Variants in SELENOI observed in about 807,000 individuals in gnomAD.
SELENOI encodes the protein selenoprotein I, also known as ethanolaminephosphotransferase 1.
Under a neutral mutation model 50.7 loss-of-function variants are expected in SELENOI, and 24 were observed. The observed-to-expected ratio is 0.47, with a 90% CI of 0.34 to 0.67. SELENOI has a LOEUF of 0.67. SELENOI is among the 30% of genes least tolerant of loss of function. SELENOI has a pLI of 0.01. For missense variants in SELENOI, 352 were observed against 461.4 expected (o/e 0.76, Z 2.17); for synonymous variants, 155 against 170.2 (o/e 0.91, Z 0.70).
chr2:26,392,183 A>G lies in SELENOI; in HGVS notation c.*3080A>G, dbSNP rs894835058. On this transcript the variant is annotated 3_prime_UTR_variant, in exon 10 of 10. Coordinates refer to ENST00000260585, the MANE Select transcript of SELENOI (RefSeq NM_033505.4). ...CTAAATAGGTACCAAAAGAGTATTG[A>G]TTATGACCTGGAGCCTGAGCTTTGG... is the stretch of plus-strand genomic sequence containing the variant. The G allele has an allele frequency of 6.6e-6, 1 of 152,148 alleles. No homozygotes were observed. Among genetic ancestry groups the G allele is most frequent in the Non-Finnish European group, 1.5e-5 (1 of 68,034 alleles). 9.4% of individuals were successfully genotyped at this position (152,148 alleles called of 1,614,324 possible).
At chr2:26,354,496 CCTT>C (rs1423572369) in intron 1 of SELENOI, among the ~76,000 whole-genome samples, 4 of 152,124 alleles carry the variant, frequency 2.6e-5, no homozygotes, top group Non-Finnish European at 5.9e-5. Flanking sequence ...ACGCTATTCT[CCTT>C]CTTCAGCCTC....
In SELENOI at chr2:26,390,690, T is replaced by C. The variant is rs924820759; in HGVS notation, c.*1587T>C. 2 of 152,214 alleles carry C rather than the reference T, an allele frequency of 1.3e-5. No individual in the cohort carries two copies. Among genetic ancestry groups the C allele is most frequent in the Non-Finnish European group, 2.9e-5 (2 of 68,036 alleles). 9.4% of individuals were successfully genotyped at this position (152,214 alleles called of 1,614,324 possible). A position where few individuals can be genotyped will look rare whatever the true frequency, so the allele number is the denominator to read the frequency against. ...ATTGTAAAGGTTGAGGTGTATTTGG[T>C]GACTTTCTCTGAGACACAGATGAAC... On this transcript the variant is annotated 3_prime_UTR_variant, in exon 10 of 10. Coordinates refer to ENST00000260585, the MANE Select transcript of SELENOI (RefSeq NM_033505.4).
rs187461676 is a variant in SELENOI, at chr2:26,393,578, C to T, written c.*4475C>T. On this transcript the variant is annotated 3_prime_UTR_variant, in exon 10 of 10. Coordinates refer to ENST00000260585, the MANE Select transcript of SELENOI (RefSeq NM_033505.4). ...CACATATACTTTTAGAATATTTTAA[C>T]AAAGGCTTGTCTCTAGGAAAATCCA... The T allele has an allele frequency of 6.6e-6, 1 of 152,326 alleles. No individual in the cohort carries two copies. Among genetic ancestry groups the T allele is most frequent in the African/African-American group, 2.4e-5 (1 of 41,572 alleles). 9.4% of individuals were successfully genotyped at this position (152,326 alleles called of 1,614,324 possible).
intron 6 of SELENOI, among the ~76,000 whole-genome samples, chr2:26,377,817 G>C (rs1397302093): frequency 6.6e-6 from 1 of 151,922 alleles, no homozygotes; most frequent in Non-Finnish European, 1.5e-5. Context: ...CCACTTAAGA[G>C]TCATTTTCTG....
chr2:26,360,704 C>T (rs1048814413), intron 1 of SELENOI, among the ~76,000 whole-genome samples: 3 of 151,974 alleles, frequency 2.0e-5, no homozygotes, highest in Admixed American at 2.0e-4. Flanking sequence ...TTTTATTTGC[C>T]CCGCTGGCTA....
At chr2:26,369,012 A>T (rs1458367605) in intron 4 of SELENOI, among the ~76,000 whole-genome samples, 1 of 152,216 alleles carries the variant, frequency 6.6e-6, no homozygotes, top group African/African-American at 2.4e-5. Flanking sequence ...AGCAAGATTA[A>T]CCGTAATTAT....
chr2:26,367,186 A>C lies in SELENOI; in HGVS notation c.276A>C (p.Val92=). The change falls in exon 4 of 10, where the codon GTA becomes GTC. Residue 92 remains valine (V), a synonymous_variant. Coordinates refer to ENST00000260585, the MANE Select transcript of SELENOI (RefSeq NM_033505.4). ...HKHVPDWVWI[V]VGILNFVAYT... ...ACGTGCCTGACTGGGTTTGGATTGTAGTGGGCATCCTCAACTTCGTAGCCT... is the reference window on the plus strand; with the variant it reads ...ACGTGCCTGACTGGGTTTGGATTGTCGTGGGCATCCTCAACTTCGTAGCCT... 3 of 1,611,118 alleles carry C rather than the reference A, an allele frequency of 1.9e-6. No homozygotes were observed. The highest frequency in any genetic ancestry group is 1.7e-6 in the Non-Finnish European group (2 of 1,178,692).
intron 6 of SELENOI, among the ~76,000 whole-genome samples, chr2:26,381,198 C>CTTTTTT (rs57102834): frequency 0.012 from 353 of 30,190 alleles, 31 homozygotes; most frequent in East Asian, 0.021. Flanking sequence ...TCAGTTTGGT[C>CTTTTTT]TTTTTTTTTT....
intron 1 of SELENOI, among the ~76,000 whole-genome samples, chr2:26,349,256 C>T (rs756550859): frequency 3.3e-5 from 5 of 150,638 alleles, no homozygotes; most frequent in Non-Finnish European, 7.4e-5. Context: ...TCAGGTGATC[C>T]GCCCTGGCCT....
At chr2:26,377,045 G>GT (rs1167304940) in intron 6 of SELENOI, among the ~76,000 whole-genome samples, 2 of 152,136 alleles carry the variant, frequency 1.3e-5, no homozygotes, top group Non-Finnish European at 2.9e-5. Flanking sequence ...TGTTGGACCT[G>GT]TAAGTATTTT....
At chr2:26,349,620 T>C (rs1035166969) in intron 1 of SELENOI, among the ~76,000 whole-genome samples, 1 of 151,086 alleles carries the variant, frequency 6.6e-6, no homozygotes, top group Admixed American at 6.6e-5. Context: ...GACAGGTCTT[T>C]ATAGTTGAGG....
intron 6 of SELENOI, among the ~76,000 whole-genome samples, chr2:26,375,696 G>A (rs553998287): frequency 6.6e-6 from 1 of 152,286 alleles, no homozygotes; most frequent in East Asian, 1.9e-4. Flanking sequence ...TTAGTGGTAT[G>A]GAACGAGTGT....
At chr2:26,378,754 C>T (rs1420571007) in intron 6 of SELENOI, among the ~76,000 whole-genome samples, 2 of 152,178 alleles carry the variant, frequency 1.3e-5, no homozygotes, top group Non-Finnish European at 2.9e-5. Flanking sequence ...GGTTTTTAAT[C>T]ATCATTTGTG....
chr2:26,384,910 C>T (rs1224429971), intron 7 of SELENOI, 49 bp from the exon 8 acceptor site: 3 of 1,364,680 alleles, frequency 2.2e-6, no homozygotes, highest in East Asian at 4.8e-5. Flanking sequence ...AAGTACTGTA[C>T]AATTTATATG....
chr2:26,367,496 A>G (rs1202931549), intron 4 of SELENOI, among the ~76,000 whole-genome samples: 1 of 152,208 alleles, frequency 6.6e-6, no homozygotes, highest in Non-Finnish European at 1.5e-5. Context: ...TTACTGGCAC[A>G]CATCTATGCT....
At chr2:26,383,654 G>A (rs554059526) in intron 7 of SELENOI, among the ~76,000 whole-genome samples, 1 of 152,150 alleles carries the variant, frequency 6.6e-6, no homozygotes, top group Non-Finnish European at 1.5e-5. Context: ...CGAGGTGGGC[G>A]GATCACGAGG....
chr2:26,350,713 A>T (rs936883151), intron 1 of SELENOI, among the ~76,000 whole-genome samples: 1 of 152,204 alleles, frequency 6.6e-6, no homozygotes, highest in Non-Finnish European at 1.5e-5. Context: ...GCTGGCTGCT[A>T]TGGAAGAGGA....
intron 4 of SELENOI, among the ~76,000 whole-genome samples, chr2:26,370,465 G>A (rs1038960193): frequency 6.6e-6 from 1 of 151,342 alleles, no homozygotes. Flanking sequence ...CCTCCCGGAC[G>A]GGGCGGCTGG....
chr2:26,352,839 T>C (rs1676989185), intron 1 of SELENOI, among the ~76,000 whole-genome samples: 1 of 133,408 alleles, frequency 7.5e-6, no homozygotes, highest in Admixed American at 7.6e-5. Context: ...TTCTGGATTC[T>C]CTTGAAAAAA....
Sources: allele counts gnomAD v4.1 joint callset (sites outside exome capture counted in the v4.1 genomes callset), GRCh38; gene constraint gnomAD v4.1.1; transcripts MANE v1.5; gene names NCBI Gene and HGNC (gene_info 2026-07-23, HGNC 2026-07-21).